Variants in LRRIQ3 observed in about 807,000 individuals in gnomAD.
The protein encoded by LRRIQ3 is leucine rich repeats and IQ motif containing 3, also known as leucine-rich repeat and IQ domain-containing protein 3.
LRRIQ3 carries 75 observed loss-of-function variants against 59.3 expected under a neutral mutation model. The ratio of observed to expected loss-of-function variants is 1.26; its 90% CI spans 1.05 to 1.53. The LOEUF (loss-of-function observed/expected upper bound fraction) is 1.53. Ranked by LOEUF, LRRIQ3 falls within the 40% of genes most tolerant of loss-of-function variation. The pLI, the probability that LRRIQ3 is intolerant of heterozygous loss-of-function variation, is 0.00. For synonymous variants in LRRIQ3, 250 were observed against 231.3 expected, an observed-to-expected ratio of 1.08 and a Z score of -0.73; for missense variants, 831 against 710.0, an observed-to-expected ratio of 1.17 and a Z score of -1.94.
chr1:74,156,451 A>G (rs146933918), intron 3 of LRRIQ3, among the ~76,000 whole-genome samples: 30 of 152,260 alleles, frequency 2.0e-4, no homozygotes, highest in African/African-American at 6.7e-4. Context: ...AAAGAACAAT[A>G]ATTAGTAGCA....
At chr1:74,071,159 T>C (rs984651952) in intron 6 of LRRIQ3, among the ~76,000 whole-genome samples, 9 of 151,862 alleles carry the variant, frequency 5.9e-5, no homozygotes, top group Non-Finnish European at 1.5e-5. Context: ...ATCATCTATC[T>C]ATGTAGTTAT....
At chr1:74,081,204 A>G (rs1252557890) in intron 5 of LRRIQ3, among the ~76,000 whole-genome samples, 1 of 151,640 alleles carries the variant, frequency 6.6e-6, no homozygotes, top group Non-Finnish European at 1.5e-5. Flanking sequence ...AAATAAACAC[A>G]GGAAACATAT....
rs146089555 is a variant in LRRIQ3 at position 74,043,856 on chromosome 1, G to A, written c.998-1923C>T. On this transcript the variant is annotated intron_variant, in intron 6 of 7. Coordinates refer to ENST00000354431, the MANE Select transcript of LRRIQ3 (RefSeq NM_001105659.2). ...GGATTATATAATACCAGAAAAGAGC[G>A]ACATATTTTTCCCCAACATATGCAT... is the stretch of plus-strand genomic sequence containing the variant. 2.8e-3 allele frequency among the ~76,000 whole-genome samples: 430 copies of A among 152,094 alleles called. 3 individuals carry two copies. The highest frequency in any genetic ancestry group is 9.3e-3 in the African/African-American group (386 of 41,522).
At chr1:74,134,998 A>G (rs1240521267) in intron 4 of LRRIQ3, among the ~76,000 whole-genome samples, 2 of 151,996 alleles carry the variant, frequency 1.3e-5, no homozygotes, top group South Asian at 2.1e-4. Flanking sequence ...TCTAACTACA[A>G]TCTGTCTACA....
intron 5 of LRRIQ3, among the ~76,000 whole-genome samples, chr1:74,101,184 T>A (rs1054319432): frequency 6.6e-6 from 1 of 151,930 alleles, no homozygotes; most frequent in Non-Finnish European, 1.5e-5. Flanking sequence ...ATAACCAGAA[T>A]CTACAAAGCA....
At chr1:74,096,846 G>C (rs1269969382) in intron 5 of LRRIQ3, among the ~76,000 whole-genome samples, 2 of 152,128 alleles carry the variant, frequency 1.3e-5, no homozygotes, top group Non-Finnish European at 1.5e-5. Flanking sequence ...ATCAGCATAG[G>C]AGGCTGCAGA....
intron 4 of LRRIQ3, among the ~76,000 whole-genome samples, chr1:74,152,944 G>C (rs1408373559): frequency 1.3e-5 from 2 of 152,040 alleles, no homozygotes; most frequent in African/African-American, 4.8e-5. Flanking sequence ...TCCCCACCAA[G>C]TTTAAACTCT....
chr1:74,160,929 T>A (rs906200028), intron 3 of LRRIQ3, among the ~76,000 whole-genome samples: 1 of 152,116 alleles, frequency 6.6e-6, no homozygotes, highest in Non-Finnish European at 1.5e-5. Context: ...TCAGGAAGAA[T>A]AGCTTAAAGT....
chr1:74,151,591 C>T (rs756458848), intron 4 of LRRIQ3, among the ~76,000 whole-genome samples: 2 of 116,736 alleles, frequency 1.7e-5, no homozygotes, highest in Non-Finnish European at 3.6e-5. Flanking sequence ...AAGCTAAATC[C>T]GGGGTGGGGG....
intron 5 of LRRIQ3, among the ~76,000 whole-genome samples, chr1:74,102,412 C>G (rs1488233753): frequency 1.3e-5 from 2 of 151,826 alleles, no homozygotes; most frequent in Non-Finnish European, 2.9e-5. Flanking sequence ...CAAATCAAAA[C>G]TGCAATAAGA....
chr1:74,197,885 C>A, intron 1 of LRRIQ3, 111 bp downstream of exon 1: 1 of 237,028 alleles, frequency 4.2e-6, no homozygotes, highest in East Asian at 8.8e-5. Flanking sequence ...AACAAACCAC[C>A]AGTTAGGACG....
At chr1:74,094,934 A>T (rs145576880) in intron 5 of LRRIQ3, 1 of 152,136 alleles carries the variant, frequency 6.6e-6, no homozygotes, top group Non-Finnish European at 1.5e-5. Context: ...ATTCTATAAT[A>T]AAGGAAACTC....
intron 7 of LRRIQ3, among the ~76,000 whole-genome samples, chr1:74,034,205 T>TA (rs1257731929): frequency 2.0e-5 from 3 of 151,996 alleles, no homozygotes; most frequent in Admixed American, 2.0e-4. Flanking sequence ...GCGGAAAAAG[T>TA]ATCAGAATTG....
At chr1:74,035,106 C>T (rs79006439) in intron 7 of LRRIQ3, among the ~76,000 whole-genome samples, 1 of 151,998 alleles carries the variant, frequency 6.6e-6, no homozygotes, top group Non-Finnish European at 1.5e-5. Context: ...AATTTTACAA[C>T]TCTAAATTAA....
At position 74,046,062 on chromosome 1, in the gene LRRIQ3, C is replaced by T. The variant is rs561255183; in HGVS notation, c.998-4129G>A. On this transcript the variant is annotated intron_variant, in intron 6 of 7. Transcript: ENST00000354431. ...GCAATTTATAGATTTAATGCTATTC[C>T]GATCAGGCTACCATTGACTTTCTTC... is the stretch of plus-strand genomic sequence containing the variant. 3.0e-3 allele frequency among the ~76,000 whole-genome samples: 457 copies of T among 152,242 alleles called. 1 individual carries two copies. The highest frequency in any genetic ancestry group is 0.01 in the African/African-American group (430 of 41,548).
At chr1:74,123,653 A>T (rs1036544796) in intron 4 of LRRIQ3, among the ~76,000 whole-genome samples, 1 of 152,084 alleles carries the variant, frequency 6.6e-6, no homozygotes, top group Non-Finnish European at 1.5e-5. Flanking sequence ...TCTGTGGCTG[A>T]ATAGTATTTC....
At chr1:74,153,656 G>A (rs1648122129) in intron 4 of LRRIQ3, among the ~76,000 whole-genome samples, 1 of 152,144 alleles carries the variant, frequency 6.6e-6, no homozygotes, top group Admixed American at 6.5e-5. Context: ...GTCTCATAGA[G>A]TTTATAGTAA....
chr1:74,149,946 T>G (rs2100654829), intron 4 of LRRIQ3, among the ~76,000 whole-genome samples: 1 of 152,312 alleles, frequency 6.6e-6, no homozygotes, highest in Non-Finnish European at 1.5e-5. Context: ...ACCCTATTTC[T>G]TAGCTGCCAG....
chr1:74,050,428 T>C (rs1463621869), intron 6 of LRRIQ3: 1 of 712,634 alleles, frequency 1.4e-6, no homozygotes, highest in Non-Finnish European at 1.7e-6. Context: ...GCAAAACAAC[T>C]GGATCATATC....
Sources: allele counts gnomAD v4.1 joint callset (sites outside exome capture counted in the v4.1 genomes callset), GRCh38; gene constraint gnomAD v4.1.1; transcripts MANE v1.5; gene names NCBI Gene and HGNC (gene_info 2026-07-23, HGNC 2026-07-21).